JARID2: variants seen among roughly 807,000 people sequenced by gnomAD.
The protein encoded by JARID2 is jumonji and AT-rich interaction domain containing 2, also known as protein Jumonji.
In JARID2, 21 loss-of-function variants were observed where a neutral mutation model predicts 125.6. The ratio of observed to expected loss-of-function variants is 0.17; its 90% CI spans 0.12 to 0.24. The LOEUF is 0.24. Ranked by LOEUF, JARID2 falls within the 10% of genes least tolerant of loss-of-function variation. JARID2 has a pLI of 1.00. For synonymous variants in JARID2, 736 were observed against 661.6 expected (o/e 1.11, Z -1.73); for missense variants, 1,303 against 1,639.6 (o/e 0.79, Z 3.55).
Position 15,500,883 on chromosome 6 carries a change from T to G in JARID2, c.1946-24T>G, listed in dbSNP as rs766327146. 5.1e-6 allele frequency: 8 copies of G among 1,564,846 alleles called. No homozygotes were observed. In the Admixed American group the frequency reaches 1.5e-4, roughly 29 times the overall value. On this transcript the variant is annotated intron_variant, in intron 7 of 17. Transcript: ENST00000341776. ...CGTGTCTCTTTCACTAACTGTCCCG[T>G]TTTTTTCCCCTTCGCTGTCCCAGGG...
At chr6:15,494,634 T>G (rs996265801) in intron 6 of JARID2, among the ~76,000 whole-genome samples, 2 of 152,106 alleles carry the variant, frequency 1.3e-5, no homozygotes, top group Non-Finnish European at 2.9e-5. Flanking sequence ...GGTGTCAATC[T>G]CCTGACCTTG....
At chr6:15,362,201 A>G (rs1371984159) in intron 1 of JARID2, among the ~76,000 whole-genome samples, 1 of 151,972 alleles carries the variant, frequency 6.6e-6, no homozygotes, top group African/African-American at 2.4e-5. Context: ...AAGAGGAGTC[A>G]TTTAATTTGT....
chr6:15,475,414 G>A (rs1263806052), intron 5 of JARID2, among the ~76,000 whole-genome samples: 1 of 152,172 alleles, frequency 6.6e-6, no homozygotes, highest in Non-Finnish European at 1.5e-5. Flanking sequence ...GAGTCCTGGA[G>A]AGCACCACAT....
At chr6:15,404,915 A>G (rs1274964832) in intron 2 of JARID2, among the ~76,000 whole-genome samples, 2 of 152,166 alleles carry the variant, frequency 1.3e-5, no homozygotes, top group Non-Finnish European at 2.9e-5. Context: ...AGCTAATGAG[A>G]GAGGACTGGT....
chr6:15,318,500 G>C (rs1368430410), intron 1 of JARID2, among the ~76,000 whole-genome samples: 4 of 152,164 alleles, frequency 2.6e-5, no homozygotes, highest in Non-Finnish European at 2.9e-5. Context: ...TGGTGGTGGT[G>C]GTTGCTACCA....
At position 15,404,141 on chromosome 6, in the gene JARID2, A is replaced by G. The variant is rs565329404; in HGVS notation, c.182-6083A>G. On this transcript the variant is annotated intron_variant, in intron 2 of 17. Transcript: ENST00000341776. The stretch of plus-strand genomic sequence containing the variant: ...CTTGGCATTTGTTCTCAGTCACACC[A>G]GTGTGTTGATCTGGTGAGCAAGTCA... Among the ~76,000 whole-genome samples the G allele has an allele frequency of 2.0e-5, 3 of 152,234 alleles. No homozygotes were observed. The East Asian group carries it at 5.8e-4, about 29-fold the overall frequency.
At chr6:15,252,165 C>G (rs950115850) in intron 1 of JARID2, among the ~76,000 whole-genome samples, 1 of 152,182 alleles carries the variant, frequency 6.6e-6, no homozygotes, top group African/African-American at 2.4e-5. Context: ...GCCCAGACTT[C>G]CCCAACAATC....
intron 2 of JARID2, among the ~76,000 whole-genome samples, chr6:15,397,430 C>T (rs532637176): frequency 7.2e-4 from 110 of 152,244 alleles, no homozygotes; most frequent in African/African-American, 2.2e-3. Flanking sequence ...CCCTCCTTTG[C>T]GATTAGTAGT....
chr6:15,313,533 G>A (rs534600748), intron 1 of JARID2, among the ~76,000 whole-genome samples: 6 of 152,286 alleles, frequency 3.9e-5, no homozygotes, highest in East Asian at 3.9e-4. Flanking sequence ...ACACTGAGCC[G>A]AGCCAGGGTT....
At chr6:15,394,124 A>T (rs1581498256) in intron 2 of JARID2, among the ~76,000 whole-genome samples, 1 of 152,110 alleles carries the variant, frequency 6.6e-6, no homozygotes, top group South Asian at 2.1e-4. Flanking sequence ...AGCTATGTCT[A>T]GTCTAATAAT....
At chr6:15,270,426 C>T (rs1287277984) in intron 1 of JARID2, among the ~76,000 whole-genome samples, 4 of 152,202 alleles carry the variant, frequency 2.6e-5, no homozygotes, top group Admixed American at 2.6e-4. Context: ...GCCACTGCAC[C>T]TGGCCTGCTC....
intron 1 of JARID2, among the ~76,000 whole-genome samples, chr6:15,304,626 A>C (rs1313900465): frequency 3.3e-5 from 5 of 152,134 alleles, no homozygotes; most frequent in African/African-American, 4.8e-5. Context: ...ATCTCTTTAA[A>C]AAAATCAATC....
At position 15,497,166 on chromosome 6, in the gene JARID2, C is replaced by T. The variant is rs900513953; in HGVS notation, c.1941C>T (p.Leu647=). The T allele has an allele frequency of 6.5e-7, 1 of 1,545,280 alleles. No homozygotes were observed. Among genetic ancestry groups the T allele is most frequent in the African/African-American group, 1.4e-5 (1 of 73,154 alleles). Residue 647 remains leucine (L), a synonymous_variant, in exon 7 of 18, where the codon CTC becomes CTT. Coordinates refer to ENST00000341776, the MANE Select transcript of JARID2 (RefSeq NM_004973.4). ...SQGITMDELP[L]IGGCELDLAC... is the part of the protein sequence containing the mutation. Reference sequence around the variant, plus strand: ...GCATCACCATGGACGAGCTCCCGCTCATAGGTAGGTCTGGGCGGGGGGTCA... The same window carrying T: ...GCATCACCATGGACGAGCTCCCGCTTATAGGTAGGTCTGGGCGGGGGGTCA...
intron 4 of JARID2, among the ~76,000 whole-genome samples, chr6:15,463,247 C>G (rs114187566): frequency 6.6e-6 from 1 of 152,104 alleles, no homozygotes; most frequent in Non-Finnish European, 1.5e-5. Flanking sequence ...CTAAAACATA[C>G]AGCTTTTGTT....
At chr6:15,297,400 G>A (rs956230811) in intron 1 of JARID2, among the ~76,000 whole-genome samples, 2 of 151,810 alleles carry the variant, frequency 1.3e-5, no homozygotes, top group African/African-American at 4.8e-5. Flanking sequence ...TACCCGCCTC[G>A]GCCTGGGATT....
chr6:15,504,976 C>G (rs1251792068), intron 9 of JARID2, among the ~76,000 whole-genome samples: 1 of 152,154 alleles, frequency 6.6e-6, no homozygotes, highest in African/African-American at 2.4e-5. Flanking sequence ...GCTTTTTCTT[C>G]TCTTCTATTT....
At chr6:15,427,469 G>A (rs1373584000) in intron 3 of JARID2, among the ~76,000 whole-genome samples, 1 of 151,980 alleles carries the variant, frequency 6.6e-6, no homozygotes, top group South Asian at 2.1e-4. Context: ...TCAGATTGCA[G>A]GGATATCACT....
At chr6:15,462,710 G>A (rs927660562) in intron 4 of JARID2, among the ~76,000 whole-genome samples, 3 of 152,222 alleles carry the variant, frequency 2.0e-5, no homozygotes, top group African/African-American at 7.2e-5. Flanking sequence ...ACAGTGCACA[G>A]GGAATCCCTC....
intron 17 of JARID2, 73 bp from the exon 18 acceptor site, chr6:15,519,996 C>G: frequency 7.3e-7 from 1 of 1,367,866 alleles, no homozygotes; most frequent in Non-Finnish European, 9.9e-7. Flanking sequence ...AAACTTGCCC[C>G]TGCATGGCTC....
Sources: allele counts gnomAD v4.1 joint callset (sites outside exome capture counted in the v4.1 genomes callset), GRCh38; gene constraint gnomAD v4.1.1; transcripts MANE v1.5; gene names NCBI Gene and HGNC (gene_info 2026-07-23, HGNC 2026-07-21).